Variants in FXR1 observed in about 807,000 individuals in gnomAD.
FXR1 encodes RNA-binding protein FXR1.
A neutral mutation model predicts 84.0 loss-of-function variants in FXR1; 15 were observed. The observed-to-expected ratio is 0.18, with a 90% CI of 0.12 to 0.27. FXR1 has a LOEUF of 0.27. Ranked by LOEUF, FXR1 falls within the 10% of genes least tolerant of loss-of-function variation. FXR1 has a pLI of 1.00. For synonymous variants in FXR1, 245 were observed against 250.7 expected (o/e 0.98, Z 0.21); for missense variants, 480 against 774.4 (o/e 0.62, Z 4.51).
intron 1 of FXR1, among the ~76,000 whole-genome samples, chr3:180,930,295 T>C (rs1160985257): frequency 6.6e-6 from 1 of 151,574 alleles, no homozygotes; most frequent in East Asian, 1.9e-4. Flanking sequence ...TACAGAGCTG[T>C]GTTTTAAAGT....
chr3:180,948,649 A>G, intron 5 of FXR1, 72 bp from the exon 6 acceptor site: 1 of 967,984 alleles, frequency 1.0e-6, no homozygotes, highest in South Asian at 1.4e-5. Context: ...TGAAACACTG[A>G]CTTTGTATTG....
intron 1 of FXR1, among the ~76,000 whole-genome samples, chr3:180,912,956 C>G (rs1012990372): frequency 6.6e-6 from 1 of 152,124 alleles, no homozygotes; most frequent in African/African-American, 2.4e-5. Flanking sequence ...ACACCTCTTG[C>G]ATTTTCCTAG....
At position 180,933,338 on chromosome 3, in the gene FXR1, T is replaced by A; in HGVS notation, c.56T>A (p.Phe19Tyr). ...RGSNGAFYKGFIKDVHEDSLT... is the reference protein window; with the variant it reads ...RGSNGAFYKGYIKDVHEDSLT... ...TAATGTTTTTGTGTCTTGCAGGGAT[T>A]TATCAAAGATGTTCATGAAGACTCC... Residue 19 changes from phenylalanine to tyrosine, a missense_variant, in exon 2 of 17, where the codon TTT becomes TAT. Coordinates refer to ENST00000357559, the MANE Select transcript of FXR1 (RefSeq NM_005087.4). The A allele has an allele frequency of 6.4e-7, 1 of 1,558,434 alleles. No individual in the cohort carries two copies. The highest frequency in any genetic ancestry group is 8.9e-7 in the Non-Finnish European group (1 of 1,129,732).
chr3:180,947,959 TTG>T, intron 4 of FXR1, 23 bp downstream of exon 4: 1 of 1,406,524 alleles, frequency 7.1e-7, no homozygotes, highest in Non-Finnish European at 1.0e-6. Context: ...CACACTTGCT[TTG>T]TGACTAGTTT....
intron 1 of FXR1, among the ~76,000 whole-genome samples, chr3:180,923,981 CAG>C (rs1311233666): frequency 1.3e-5 from 2 of 151,696 alleles, no homozygotes; most frequent in Non-Finnish European, 2.9e-5. Flanking sequence ...TTTTTTGAGA[CAG>C]AGTCTTGCTC....
At chr3:180,949,127 A>AGATGAGAAGCAAG (rs1368300472) in intron 6 of FXR1, 100 bp from the exon 7 acceptor site, 1 of 761,064 alleles carries the variant, frequency 1.3e-6, no homozygotes, top group African/African-American at 1.7e-5. Flanking sequence ...GAAGTGTAGT[A>AGATGAGAAGCAAG]GATGAGAAGC....
intron 15 of FXR1, 53 bp from the exon 16 acceptor site, chr3:180,975,260 A>G: frequency 1.4e-6 from 1 of 707,064 alleles, no homozygotes. Context: ...ATCCATAAAT[A>G]AACTTTAGAA....
chr3:180,971,550 TCAG>T (rs1713586083), intron 15 of FXR1: 1 of 152,558 alleles, frequency 6.6e-6, no homozygotes, highest in African/African-American at 2.4e-5. Context: ...ATATCTGAAT[TCAG>T]CACCTCATTT....
chr3:180,914,029 T>TG (rs1717578171), intron 1 of FXR1, among the ~76,000 whole-genome samples: 1 of 152,218 alleles, frequency 6.6e-6, no homozygotes, highest in Non-Finnish European at 1.5e-5. Flanking sequence ...ACCAGCATAA[T>TG]GGGGAATCAC....
At position 180,957,719 on chromosome 3, in the gene FXR1, T is replaced by A. The variant is rs1312321965; in HGVS notation, c.881-100T>A. 2.2e-5 allele frequency: 13 copies of A among 604,370 alleles called. No individual in the cohort carries two copies. The East Asian group carries it at 3.7e-4, about 17-fold the overall frequency. 37.4% of individuals were successfully genotyped at this position (604,370 alleles called of 1,614,324 possible). On this transcript the variant is annotated intron_variant, in intron 9 of 16. Transcript: ENST00000357559. ...AAAAGATGGGAGCTTCACTTGATGG[T>A]TGTAATTTAGTAGCAAGTTACAAAT...
At chr3:180,917,234 TTTAATA>T (rs1208446940) in intron 1 of FXR1, among the ~76,000 whole-genome samples, 1 of 151,940 alleles carries the variant, frequency 6.6e-6, no homozygotes, top group Non-Finnish European at 1.5e-5. Flanking sequence ...TTTAGCTTGA[TTTAATA>T]TTAAGTGGAA....
Position 180,981,995 on chromosome 3 carries a change from A to G in FXR1, c.*5703A>G, listed in dbSNP as rs1046279354. 4.6e-5 allele frequency: 7 copies of G among 152,078 alleles called. No individual in the cohort carries two copies. Among genetic ancestry groups the G allele is most frequent in the African/African-American group, 1.4e-4 (6 of 41,438 alleles). 9.4% of individuals were successfully genotyped at this position (152,078 alleles called of 1,614,324 possible). ...AAGGCCCCAAGCTAGATCTGTAGAG[A>G]TAAGTACTAGACTCACATCTCAGTA... On this transcript the variant is annotated 3_prime_UTR_variant, in exon 17 of 17. Coordinates refer to ENST00000357559, the MANE Select transcript of FXR1 (RefSeq NM_005087.4).
chr3:180,940,544 C>G (rs2108453318), intron 3 of FXR1, among the ~76,000 whole-genome samples: 1 of 151,716 alleles, frequency 6.6e-6, no homozygotes, highest in East Asian at 1.9e-4. Context: ...AGCCTGACAT[C>G]TAAGGTGATA....
chr3:180,960,930 T>C (rs1375969825), intron 10 of FXR1, among the ~76,000 whole-genome samples: 1 of 152,202 alleles, frequency 6.6e-6, no homozygotes, highest in Non-Finnish European at 1.5e-5. Context: ...TGACAAGTTA[T>C]TGAAAATCTG....
At chr3:180,964,306 T>C (rs914835535) in intron 13 of FXR1, among the ~76,000 whole-genome samples, 1 of 152,208 alleles carries the variant, frequency 6.6e-6, no homozygotes, top group Non-Finnish European at 1.5e-5. Context: ...CTCATTGATT[T>C]TTGAACCATA....
Position 180,951,405 on chromosome 3 carries a change from G to A in FXR1, c.738G>A (p.Lys246=). ...THGSNIQQAR[K]VPGVTAIELD... ...GTAGTAACATCCAGCAAGCTAGGAA[G>A]GTTCCTGGAGTTACCGCCATTGAGC... The change falls in exon 8 of 17, where the codon AAG becomes AAA. Residue 246 remains lysine, a synonymous_variant. Transcript: ENST00000357559. The A allele has an allele frequency of 6.2e-7, 1 of 1,612,470 alleles. No homozygotes were observed.
chr3:180,937,168 G>A (rs981009515), intron 3 of FXR1, among the ~76,000 whole-genome samples: 5 of 152,162 alleles, frequency 3.3e-5, no homozygotes, highest in Non-Finnish European at 7.4e-5. Flanking sequence ...CTGATACAGT[G>A]TTTTTTGGAT....
intron 1 of FXR1, among the ~76,000 whole-genome samples, chr3:180,925,776 A>AT (rs1375882026): frequency 9.9e-5 from 15 of 152,232 alleles, no homozygotes; most frequent in African/African-American, 3.6e-4. Context: ...TGATCAAGGG[A>AT]TAAAAAGTGA....
At chr3:180,935,670 T>C (rs1167024111) in intron 3 of FXR1, among the ~76,000 whole-genome samples, 3 of 152,226 alleles carry the variant, frequency 2.0e-5, no homozygotes, top group African/African-American at 7.2e-5. Flanking sequence ...ATATTGTAAC[T>C]AGCTTTCTGC....
Sources: allele counts gnomAD v4.1 joint callset (sites outside exome capture counted in the v4.1 genomes callset), GRCh38; gene constraint gnomAD v4.1.1; transcripts MANE v1.5; gene names NCBI Gene and HGNC (gene_info 2026-07-23, HGNC 2026-07-21).